Variants in LRRC4C observed in about 807,000 individuals in gnomAD.
The protein encoded by LRRC4C is leucine-rich repeat-containing protein 4C.
In LRRC4C, 5 loss-of-function variants were observed where a neutral mutation model predicts 33.6. The observed-to-expected ratio is 0.15, with a 90% CI of 0.08 to 0.31. The LOEUF (loss-of-function observed/expected upper bound fraction) is 0.31, where lower values mean the gene tolerates loss of function less well. Ranked by LOEUF, LRRC4C falls within the 10% of genes least tolerant of loss-of-function variation. LRRC4C has a pLI of 1.00. For synonymous variants in LRRC4C, 329 were observed against 302.0 expected, an observed-to-expected ratio of 1.09 and a Z score of -0.93; for missense variants, 560 against 796.7, an observed-to-expected ratio of 0.70 and a Z score of 3.58.
chr11:40,388,689 TA>T lies in LRRC4C; in HGVS notation c.-269-68969del, dbSNP rs1565340441. Among the ~76,000 whole-genome samples the T allele has an allele frequency of 2.6e-5, 4 of 152,328 alleles. 1 individual carries two copies. In the East Asian group the frequency reaches 7.7e-4, roughly 29 times the overall value. On this transcript the variant is annotated intron_variant, in intron 3 of 6. Coordinates refer to ENST00000528697, the MANE Select transcript of LRRC4C (RefSeq NM_001258419.2). ...TATTAACACACTCATGGTAATCTGC[TA>T]ACTGAGCTAGATGGAAGGAATCCTG...
At chr11:40,201,822 G>A (rs999191454) in intron 5 of LRRC4C, among the ~76,000 whole-genome samples, 1 of 152,164 alleles carries the variant, frequency 6.6e-6, no homozygotes, top group African/African-American at 2.4e-5. Context: ...ATACCCAAGA[G>A]GAAACGTGGG....
chr11:41,011,383 G>A (rs1313752805), intron 1 of LRRC4C, among the ~76,000 whole-genome samples: 3 of 152,040 alleles, frequency 2.0e-5, no homozygotes, highest in Admixed American at 2.0e-4. Context: ...CTAATGGTCA[G>A]CTAAATATGA....
chr11:40,315,545 T>G (rs116624276), intron 4 of LRRC4C, among the ~76,000 whole-genome samples: 1,844 of 152,086 alleles, frequency 0.012, 48 homozygotes, highest in African/African-American at 0.042. Context: ...TATTCCCATA[T>G]CTATACATTC....
At chr11:40,435,851 G>A (rs1224982671) in intron 3 of LRRC4C, among the ~76,000 whole-genome samples, 1 of 152,100 alleles carries the variant, frequency 6.6e-6, no homozygotes, top group African/African-American at 2.4e-5. Flanking sequence ...GGGGAGGATG[G>A]AAAAAACATC....
rs1217714729 is a variant in LRRC4C, at chr11:41,123,261, G to GT, written c.-495-189539dup. On this transcript the variant is annotated intron_variant, in intron 1 of 6. Coordinates refer to ENST00000528697, the MANE Select transcript of LRRC4C (RefSeq NM_001258419.2). ...CTTTCTCTATCCTGAGCTATGTTTTGTTTTTTTTTTTTTTTTTTTTTTTTT... is the reference window on the plus strand; with the variant it reads ...CTTTCTCTATCCTGAGCTATGTTTTGTTTTTTTTTTTTTTTTTTTTTTTTTT... Among the ~76,000 whole-genome samples, 190 of 48,094 alleles carry GT rather than the reference G, an allele frequency of 4.0e-3. 12 individuals are homozygous for GT. Among genetic ancestry groups the GT allele is most frequent in the African/African-American group, 9.2e-3 (160 of 17,316 alleles). 31.6% of individuals were successfully genotyped at this position (48,094 alleles called of 152,430 possible).
chr11:40,470,354 C>T (rs1183427422), intron 3 of LRRC4C, among the ~76,000 whole-genome samples: 5 of 152,174 alleles, frequency 3.3e-5, no homozygotes, highest in African/African-American at 9.7e-5. Flanking sequence ...ACAAAAAGGA[C>T]ATCCACACAA....
intron 2 of LRRC4C, among the ~76,000 whole-genome samples, chr11:40,687,279 A>G (rs78459881): frequency 0.017 from 2,576 of 152,118 alleles, 71 homozygotes; most frequent in African/African-American, 0.058. Flanking sequence ...TACCTTCCCA[A>G]ATATACCTTT....
Position 40,965,320 on chromosome 11 carries a change from C to T in LRRC4C, c.-495-31597G>A, listed in dbSNP as rs557216292. 3.3e-4 allele frequency among the ~76,000 whole-genome samples: 50 copies of T among 152,082 alleles called. 1 individual carries two copies. The Middle Eastern group carries it at 0.017, about 52-fold the overall frequency. ...AAATTTTCTCCCATTCTGTAGGTTG[C>T]CTGTTCACTCTGATGGTGGTTTCTT... On this transcript the variant is annotated intron_variant, in intron 1 of 6. Coordinates refer to ENST00000528697, the MANE Select transcript of LRRC4C (RefSeq NM_001258419.2).
chr11:40,719,006 T>G (rs1270742054), intron 2 of LRRC4C, among the ~76,000 whole-genome samples: 1 of 152,194 alleles, frequency 6.6e-6, no homozygotes, highest in East Asian at 1.9e-4. Context: ...TTTCTGAAAT[T>G]TTCAGAAATG....
At chr11:40,512,390 C>T (rs1955363996) in intron 3 of LRRC4C, among the ~76,000 whole-genome samples, 1 of 151,906 alleles carries the variant, frequency 6.6e-6, no homozygotes, top group African/African-American at 2.4e-5. Context: ...AAAACAAAAA[C>T]AAACAAATGA....
At chr11:40,338,523 T>G (rs1446058206) in intron 3 of LRRC4C, among the ~76,000 whole-genome samples, 2 of 152,194 alleles carry the variant, frequency 1.3e-5, no homozygotes, top group Non-Finnish European at 2.9e-5. Flanking sequence ...TAAATAAGTT[T>G]TAATCTGATA....
At chr11:41,054,245 T>C (rs1287479896) in intron 1 of LRRC4C, among the ~76,000 whole-genome samples, 1 of 152,192 alleles carries the variant, frequency 6.6e-6, no homozygotes, top group Non-Finnish European at 1.5e-5. Flanking sequence ...CTATATCTTA[T>C]ATCTATGAAG....
intron 2 of LRRC4C, among the ~76,000 whole-genome samples, chr11:40,837,249 AGGTTTC>A (rs1301565338): frequency 6.6e-6 from 1 of 152,136 alleles, no homozygotes; most frequent in Non-Finnish European, 1.5e-5. Context: ...GATTCATTTC[AGGTTTC>A]AAATCTTAAT....
chr11:40,604,863 AG>A (rs1960402687), intron 3 of LRRC4C, among the ~76,000 whole-genome samples: 1 of 152,004 alleles, frequency 6.6e-6, no homozygotes, highest in African/African-American at 2.4e-5. Context: ...AAGCAGCATA[AG>A]GAGGAATGGA....
intron 2 of LRRC4C, among the ~76,000 whole-genome samples, chr11:40,751,606 T>TA (rs1369667319): frequency 2.0e-5 from 3 of 151,262 alleles, no homozygotes; most frequent in South Asian, 2.1e-4. Flanking sequence ...ATTGTAGAGG[T>TA]AAAAAAAATA....
chr11:40,943,685 G>T lies in LRRC4C; in HGVS notation c.-495-9962C>A, dbSNP rs1049999954. 7.3e-4 allele frequency among the ~76,000 whole-genome samples: 111 copies of T among 152,284 alleles called. 1 individual carries two copies. The highest frequency in any genetic ancestry group is 2.3e-3 in the African/African-American group (94 of 41,560). On this transcript the variant is annotated intron_variant, in intron 1 of 6. Coordinates refer to ENST00000528697, the MANE Select transcript of LRRC4C (RefSeq NM_001258419.2). Reference sequence around the variant, plus strand: ...GGGGAAGGGGTAAAAAATGATGAAGGCAGTTGTCTCCAAGGCTATCTCTCC... The same window carrying T: ...GGGGAAGGGGTAAAAAATGATGAAGTCAGTTGTCTCCAAGGCTATCTCTCC...
At chr11:40,185,395 C>T (rs1861326331) in intron 5 of LRRC4C, among the ~76,000 whole-genome samples, 1 of 152,074 alleles carries the variant, frequency 6.6e-6, no homozygotes, top group Admixed American at 6.5e-5. Flanking sequence ...CAAGAAACTC[C>T]TCCATTACCA....
intron 1 of LRRC4C, among the ~76,000 whole-genome samples, chr11:41,119,770 G>A (rs1255770112): frequency 6.6e-6 from 1 of 152,036 alleles, no homozygotes; most frequent in Non-Finnish European, 1.5e-5. Context: ...AGTTGACCTG[G>A]TTTCACTTAG....
chr11:40,976,316 T>C (rs974564369), intron 1 of LRRC4C, among the ~76,000 whole-genome samples: 1 of 152,152 alleles, frequency 6.6e-6, no homozygotes, highest in Admixed American at 6.6e-5. Context: ...CCTGGATTTA[T>C]TTACCACTAT....
Sources: allele counts gnomAD v4.1 joint callset (sites outside exome capture counted in the v4.1 genomes callset), GRCh38; gene constraint gnomAD v4.1.1; transcripts MANE v1.5; gene names NCBI Gene and HGNC (gene_info 2026-07-23, HGNC 2026-07-21).